Variants in SUPT3H observed in about 807,000 individuals in gnomAD.
SUPT3H encodes transcription initiation protein SPT3 homolog.
SUPT3H carries 44 observed loss-of-function variants against 44.3 expected under a neutral mutation model. That is an observed-to-expected ratio of 0.99 (90% CI 0.78 to 1.28). SUPT3H has a LOEUF of 1.28. Among genes scored for constraint, SUPT3H ranks in the 50% most tolerant of loss-of-function variants. The probability of loss-of-function intolerance (pLI) is 0.00; values close to 1 mark genes in which losing one functional copy is unlikely to be tolerated. For missense variants in SUPT3H, 380 were observed against 387.1 expected, an observed-to-expected ratio of 0.98 and a Z score of 0.15; for synonymous variants, 124 against 125.6, an observed-to-expected ratio of 0.99 and a Z score of 0.09.
chr6:45,046,488 G>A (rs1024729544), intron 3 of SUPT3H, among the ~76,000 whole-genome samples: 7 of 151,972 alleles, frequency 4.6e-5, no homozygotes, highest in Admixed American at 2.6e-4. Flanking sequence ...ACACCACCAC[G>A]CCAGGCTAAT....
At chr6:44,812,768 G>C (rs994002797) in intron 11 of SUPT3H, among the ~76,000 whole-genome samples, 17 of 152,324 alleles carry the variant, frequency 1.1e-4, no homozygotes, top group African/African-American at 3.8e-4. Context: ...AACAGTCTGG[G>C]AATTATGGCA....
chr6:44,905,242 A>C (rs1400016600), intron 10 of SUPT3H, among the ~76,000 whole-genome samples: 1 of 152,204 alleles, frequency 6.6e-6, no homozygotes, highest in Non-Finnish European at 1.5e-5. Flanking sequence ...CAACCTACAG[A>C]ATGGAAGAAA....
intron 5 of SUPT3H, among the ~76,000 whole-genome samples, chr6:45,005,794 C>G (rs575715435): frequency 3.9e-5 from 6 of 152,002 alleles, no homozygotes; most frequent in Non-Finnish European, 7.4e-5. Flanking sequence ...TCCACTCACA[C>G]AGATGGAATG....
intron 3 of SUPT3H, among the ~76,000 whole-genome samples, chr6:45,078,533 A>G (rs980480361): frequency 6.6e-6 from 1 of 152,148 alleles, no homozygotes; most frequent in African/African-American, 2.4e-5. Context: ...TTTCATTACA[A>G]TGATTCTCAC....
chr6:45,172,243 T>C (rs1166295835), intron 2 of SUPT3H, among the ~76,000 whole-genome samples: 1 of 151,710 alleles, frequency 6.6e-6, no homozygotes, highest in African/African-American at 2.4e-5. Flanking sequence ...CAGCTAATTT[T>C]TGTACTTTTA....
intron 2 of SUPT3H, among the ~76,000 whole-genome samples, chr6:45,364,186 T>C (rs953586298): frequency 2.6e-5 from 4 of 152,158 alleles, no homozygotes; most frequent in African/African-American, 9.6e-5. Flanking sequence ...AAACAAATAT[T>C]CTTCAGGATC....
Position 45,165,642 on chromosome 6 carries a change from G to A in SUPT3H, c.102-59636C>T, listed in dbSNP as rs1288548454. 6.6e-5 allele frequency among the ~76,000 whole-genome samples: 10 copies of A among 151,854 alleles called. 1 individual carries two copies. The highest frequency in any genetic ancestry group is 6.6e-4 in the Admixed American group (10 of 15,238). ...TGCAGAGAAGAAGGATTGCAAATGA[G>A]AAACAAAACATACAAAAAATATCAA... On this transcript the variant is annotated intron_variant, in intron 2 of 10. Transcript: ENST00000371459.
chr6:45,217,124 T>C (rs1562714263), intron 2 of SUPT3H, among the ~76,000 whole-genome samples: 1 of 152,044 alleles, frequency 6.6e-6, no homozygotes, highest in African/African-American at 2.4e-5. Context: ...AAAAATAAAA[T>C]AAAAAGCCAA....
At chr6:44,967,446 C>T (rs767668031) in intron 6 of SUPT3H, among the ~76,000 whole-genome samples, 19 of 152,294 alleles carry the variant, frequency 1.2e-4, no homozygotes, top group South Asian at 2.1e-4. Flanking sequence ...AACAAACTCT[C>T]GGTACATATT....
chr6:45,131,462 A>T (rs1245913960), intron 2 of SUPT3H, among the ~76,000 whole-genome samples: 1 of 152,180 alleles, frequency 6.6e-6, no homozygotes, highest in Non-Finnish European at 1.5e-5. Context: ...TCTAACATAC[A>T]TATTAACAGC....
chr6:45,220,040 C>CAAAAAAAAAAAAA (rs67960187), intron 2 of SUPT3H, among the ~76,000 whole-genome samples: 1 of 33,010 alleles, frequency 3.0e-5, no homozygotes, highest in African/African-American at 1.4e-4. Context: ...GACTCTGTCT[C>CAAAAAAAAAAAAA]AAAAAAAAAA....
At chr6:45,280,878 T>G (rs1247337455) in intron 2 of SUPT3H, among the ~76,000 whole-genome samples, 1 of 152,192 alleles carries the variant, frequency 6.6e-6, no homozygotes, top group Non-Finnish European at 1.5e-5. Context: ...TCCTAAATAT[T>G]TAAAACTTCC....
intron 3 of SUPT3H, among the ~76,000 whole-genome samples, chr6:45,023,554 A>G (rs1380003903): frequency 6.6e-6 from 1 of 152,208 alleles, no homozygotes; most frequent in East Asian, 1.9e-4. Flanking sequence ...CAGATTAAAG[A>G]AAATGTGGTA....
chr6:45,199,023 AG>A (rs1816556519), intron 2 of SUPT3H, among the ~76,000 whole-genome samples: 1 of 151,408 alleles, frequency 6.6e-6, no homozygotes, highest in African/African-American at 2.4e-5. Flanking sequence ...TCTTAAGACT[AG>A]AAATAATTAC....
At chr6:45,256,851 G>C (rs998322620) in intron 2 of SUPT3H, among the ~76,000 whole-genome samples, 1 of 152,076 alleles carries the variant, frequency 6.6e-6, no homozygotes, top group Non-Finnish European at 1.5e-5. Flanking sequence ...ATGAACATTT[G>C]GGATGTTTCA....
At chr6:45,215,595 A>G (rs1286044210) in intron 2 of SUPT3H, among the ~76,000 whole-genome samples, 1 of 151,736 alleles carries the variant, frequency 6.6e-6, no homozygotes, top group Non-Finnish European at 1.5e-5. Flanking sequence ...GAAGCAGAAG[A>G]AAAAAAATCT....
chr6:45,146,939 CA>C (rs1362696870), intron 2 of SUPT3H, among the ~76,000 whole-genome samples: 1 of 152,100 alleles, frequency 6.6e-6, no homozygotes, highest in African/African-American at 2.4e-5. Flanking sequence ...AACTTAATAG[CA>C]GGGCATTAGT....
intron 2 of SUPT3H, among the ~76,000 whole-genome samples, chr6:45,128,102 G>C (rs776389066): frequency 2.0e-5 from 3 of 152,018 alleles, no homozygotes; most frequent in African/African-American, 4.8e-5. Flanking sequence ...AGCCCTATCA[G>C]CTTGCCCAAT....
chr6:44,837,944 C>T (rs1284463787), intron 10 of SUPT3H, among the ~76,000 whole-genome samples: 1 of 152,150 alleles, frequency 6.6e-6, no homozygotes, highest in Non-Finnish European at 1.5e-5. Flanking sequence ...CTATGGCCTT[C>T]CCCCGCCTTC....
Sources: gnomAD v4.1 joint callset for allele counts (sites outside exome capture counted in the v4.1 genomes callset) on GRCh38, gnomAD v4.1.1 for gene constraint, MANE v1.5 for transcripts, NCBI Gene and HGNC (gene_info 2026-07-23, HGNC 2026-07-21) for gene names.